The following NDUFB6 variants were observed in gnomAD, a reference collection of about 807,000 sequenced individuals.
NDUFB6 encodes the protein NADH dehydrogenase [ubiquinone] 1 beta subcomplex subunit 6.
In NDUFB6, 23 loss-of-function variants were observed where a neutral mutation model predicts 17.5. That is an observed-to-expected ratio of 1.31 (90% CI 0.94 to 1.86). The LOEUF (loss-of-function observed/expected upper bound fraction) is 1.86, where lower values mean the gene tolerates loss of function less well. NDUFB6 is among the 40% of genes most tolerant of loss of function. The pLI, the probability that NDUFB6 is intolerant of heterozygous loss-of-function variation, is 0.00. For synonymous variants in NDUFB6, 60 were observed against 53.5 expected (o/e 1.12, Z -0.53); for missense variants, 167 against 153.8 (o/e 1.09, Z -0.46).
At chr9:32,555,276 G>A (rs1295129252) in intron 3 of NDUFB6, among the ~76,000 whole-genome samples, 1 of 152,124 alleles carries the variant, frequency 6.6e-6, no homozygotes, top group Non-Finnish European at 1.5e-5. Flanking sequence ...GGACCTTGTG[G>A]TATTGAAAAA....
chr9:32,563,550 T>G (rs141844037), intron 2 of NDUFB6, among the ~76,000 whole-genome samples: 12 of 148,562 alleles, frequency 8.1e-5, no homozygotes, highest in African/African-American at 3.0e-4. Context: ...TCTCAAACTC[T>G]TGGCCTCAAG....
chr9:32,560,300 T>G (rs1340297255), intron 2 of NDUFB6, among the ~76,000 whole-genome samples: 1 of 152,236 alleles, frequency 6.6e-6, no homozygotes, highest in Non-Finnish European at 1.5e-5. Flanking sequence ...CACCTGGAAG[T>G]GTGAACCCTC....
In NDUFB6 at chr9:32,557,968, G is replaced by C. The variant is rs560740069; in HGVS notation, c.318+942C>G. Among the ~76,000 whole-genome samples the C allele has an allele frequency of 7.9e-5, 12 of 152,284 alleles. No homozygotes were observed. The South Asian group carries it at 2.5e-3, about 32-fold the overall frequency. ...TATGATAGTTCATTATCTGTGACTA[G>C]AAATAGACAAGAACATAGTATGTAT... is the stretch of plus-strand genomic sequence containing the variant. On this transcript the variant is annotated intron_variant, in intron 3 of 3. Coordinates refer to ENST00000379847, the MANE Select transcript of NDUFB6 (RefSeq NM_002493.5).
chr9:32,553,006 T>C lies in NDUFB6; in HGVS notation c.*870A>G, dbSNP rs1821342160. ...TAAAAATAAAATTCATAATGCAAAGTTCCCAAGTTTATTTTTGCATTATCC... is the reference window on the plus strand; with the variant it reads ...TAAAAATAAAATTCATAATGCAAAGCTCCCAAGTTTATTTTTGCATTATCC... On this transcript the variant is annotated 3_prime_UTR_variant, in exon 4 of 4. Transcript: ENST00000379847. 1 of 596,218 alleles carries C rather than the reference T, an allele frequency of 1.7e-6. No individual in the cohort carries two copies. Among genetic ancestry groups the C allele is most frequent in the Non-Finnish European group, 3.0e-6 (1 of 335,290 alleles). 36.9% of individuals were successfully genotyped at this position (596,218 alleles called of 1,614,324 possible). A position where few individuals can be genotyped will look rare whatever the true frequency, so the allele number is the denominator to read the frequency against.
chr9:32,559,269 C>A (rs1587640163), intron 2 of NDUFB6, among the ~76,000 whole-genome samples: 1 of 152,166 alleles, frequency 6.6e-6, no homozygotes, highest in African/African-American at 2.4e-5. Flanking sequence ...TTAATTCTAT[C>A]TTAAGAATAT....
intron 2 of NDUFB6, chr9:32,567,023 A>T (rs771687028): frequency 8.0e-6 from 4 of 502,956 alleles, no homozygotes; most frequent in Non-Finnish European, 1.6e-5. Context: ...CTAGAAGCAG[A>T]GGTAGCCCTT....
At chr9:32,568,393 G>T in intron 2 of NDUFB6, 1 of 251,572 alleles carries the variant, frequency 4.0e-6, no homozygotes, top group Non-Finnish European at 8.5e-6. Context: ...AGCAAACAAA[G>T]TGGTTTCTTG....
intron 2 of NDUFB6, among the ~76,000 whole-genome samples, chr9:32,561,576 G>T (rs1385865264): frequency 2.6e-5 from 4 of 151,932 alleles, no homozygotes; most frequent in Non-Finnish European, 4.4e-5. Flanking sequence ...CAATCCACCC[G>T]CCTCAGCCTC....
intron 2 of NDUFB6, among the ~76,000 whole-genome samples, chr9:32,564,809 A>G (rs1349833481): frequency 6.6e-6 from 1 of 152,232 alleles, no homozygotes; most frequent in African/African-American, 2.4e-5. Flanking sequence ...TTCTACACAG[A>G]AACACTTTCT....
Position 32,553,615 on chromosome 9 carries a change from A to T in NDUFB6, c.*261T>A. ...TACTGTGTAAGAAAAAAACAAACAA[A>T]CATGTAACTAAATACTTTTCCATAC... On this transcript the variant is annotated 3_prime_UTR_variant, in exon 4 of 4. Transcript: ENST00000379847. 1 of 408,392 alleles carries T rather than the reference A, an allele frequency of 2.4e-6. No homozygotes were observed. The highest frequency in any genetic ancestry group is 2.0e-5 in the African/African-American group (1 of 49,062). The allele number at this position is 408,392 out of a possible 1,614,324, so 25.3% of individuals were successfully genotyped here.
intron 2 of NDUFB6, among the ~76,000 whole-genome samples, chr9:32,564,725 T>C (rs984117835): frequency 6.6e-6 from 1 of 152,178 alleles, no homozygotes; most frequent in Non-Finnish European, 1.5e-5. Flanking sequence ...CTCCATATTA[T>C]CTGAGATGAT....
At chr9:32,563,156 G>A (rs1209067768) in intron 2 of NDUFB6, among the ~76,000 whole-genome samples, 2 of 152,106 alleles carry the variant, frequency 1.3e-5, no homozygotes, top group African/African-American at 4.8e-5. Context: ...TCTTATTGCA[G>A]CCTATCAAGT....
At chr9:32,565,396 G>C (rs566684607) in intron 2 of NDUFB6, 2 of 152,292 alleles carry the variant, frequency 1.3e-5, no homozygotes, top group South Asian at 2.1e-4. Flanking sequence ...TGGGCATTTA[G>C]AACAGTCAAG....
chr9:32,566,097 AT>A (rs903890424), intron 2 of NDUFB6: 5 of 461,130 alleles, frequency 1.1e-5, no homozygotes, highest in Non-Finnish European at 1.9e-5. Flanking sequence ...ACCTGTTAAA[AT>A]TATGCCCACG....
At chr9:32,554,330 G>A (rs571911421) in intron 3 of NDUFB6, among the ~76,000 whole-genome samples, 3 of 152,158 alleles carry the variant, frequency 2.0e-5, no homozygotes, top group Non-Finnish European at 4.4e-5. Flanking sequence ...AATGTGTTAC[G>A]CAATCACCAG....
intron 2 of NDUFB6, 37 bp from the exon 3 acceptor site, chr9:32,558,991 TAA>T (rs1340131104): frequency 1.4e-6 from 2 of 1,450,694 alleles, no homozygotes; most frequent in African/African-American, 1.4e-5. Flanking sequence ...ATTATGGTGT[TAA>T]GAGTTTCTTC....
At chr9:32,553,968 G>T in intron 3 of NDUFB6, 24 bp from the exon 4 acceptor site, 1 of 1,481,374 alleles carries the variant, frequency 6.8e-7, no homozygotes, top group Non-Finnish European at 9.4e-7. Flanking sequence ...GATACAGTTA[G>T]TACAAAAATC....
At chr9:32,571,700 A>G (rs1821944223) in intron 1 of NDUFB6, among the ~76,000 whole-genome samples, 1 of 152,248 alleles carries the variant, frequency 6.6e-6, no homozygotes, top group African/African-American at 2.4e-5. Context: ...AGATATGATT[A>G]TAAAAGAATA....
chr9:32,567,870 C>T, intron 2 of NDUFB6: 1 of 196,888 alleles, frequency 5.1e-6, no homozygotes. Context: ...AATTTAATAA[C>T]ACTACAATGA....
Sources: allele counts gnomAD v4.1 joint callset (sites outside exome capture counted in the v4.1 genomes callset), GRCh38; gene constraint gnomAD v4.1.1; transcripts MANE v1.5; gene names NCBI Gene and HGNC (gene_info 2026-07-23, HGNC 2026-07-21).